Variants in MNAT1 observed in about 807,000 individuals in gnomAD.
MNAT1 encodes MNAT1 component of CDK activating kinase.
A neutral mutation model predicts 42.0 loss-of-function variants in MNAT1; 43 were observed. That is an observed-to-expected ratio of 1.02 (90% CI 0.80 to 1.32). The LOEUF (loss-of-function observed/expected upper bound fraction) is 1.32, where lower values mean the gene tolerates loss of function less well. Among genes scored for constraint, MNAT1 ranks in the 40% most tolerant of loss-of-function variants. The probability of loss-of-function intolerance (pLI) is 0.00; values close to 1 mark genes in which losing one functional copy is unlikely to be tolerated. For synonymous variants in MNAT1, 118 were observed against 120.0 expected (o/e 0.98, Z 0.11); for missense variants, 306 against 350.4 (o/e 0.87, Z 1.01).
At chr14:60,756,632 G>A (rs975724003) in intron 1 of MNAT1, among the ~76,000 whole-genome samples, 15 of 152,140 alleles carry the variant, frequency 9.9e-5, no homozygotes, top group African/African-American at 3.6e-4. Flanking sequence ...TGAAAATAAA[G>A]CAAGTATAAA....
At chr14:60,879,610 T>C in intron 6 of MNAT1, 104 bp from the exon 7 acceptor site, 1 of 1,142,426 alleles carries the variant, frequency 8.8e-7, no homozygotes, top group Non-Finnish European at 1.2e-6. Context: ...TAATGGCTAA[T>C]ACTTCTAATG....
intron 7 of MNAT1, among the ~76,000 whole-genome samples, chr14:60,929,168 A>ATGT (rs57837834): frequency 1.2e-5 from 1 of 86,150 alleles, no homozygotes; most frequent in Non-Finnish European, 2.1e-5. Flanking sequence ...AAAAAAAAAA[A>ATGT]AAATATATAT....
rs1483720273 is a variant in MNAT1 at position 60,736,124 on chromosome 14, TTGAA to T, written c.89+1177_89+1180del. Among the ~76,000 whole-genome samples the T allele has an allele frequency of 3.9e-5, 6 of 152,220 alleles. No individual in the cohort carries two copies. The East Asian group carries it at 1.2e-3, about 29-fold the overall frequency. ...GCAAAGAAGTATAGTAGAGCTGTGA[TTGAA>T]TGATTTAAGATTAGAAGTAAGGTAA... On this transcript the variant is annotated intron_variant, in intron 1 of 7. Transcript: ENST00000261245.
intron 6 of MNAT1, among the ~76,000 whole-genome samples, chr14:60,834,259 A>T (rs1159289557): frequency 2.0e-5 from 3 of 151,700 alleles, no homozygotes; most frequent in African/African-American, 7.3e-5. Context: ...TTTAATTGTG[A>T]TGTTAGTGTG....
intron 6 of MNAT1, among the ~76,000 whole-genome samples, chr14:60,839,965 G>A (rs2033500601): frequency 2.0e-5 from 3 of 152,246 alleles, no homozygotes; most frequent in African/African-American, 4.8e-5. Context: ...CAGGCCGAGG[G>A]GGTGGAATGA....
intron 6 of MNAT1, among the ~76,000 whole-genome samples, chr14:60,820,545 T>G (rs2032854052): frequency 6.6e-6 from 1 of 151,854 alleles, no homozygotes; most frequent in Admixed American, 6.6e-5. Flanking sequence ...ACTTTTTTTT[T>G]TTTTTTCAGT....
At chr14:60,830,789 T>C (rs939754246) in intron 6 of MNAT1, among the ~76,000 whole-genome samples, 3 of 151,868 alleles carry the variant, frequency 2.0e-5, no homozygotes, top group Non-Finnish European at 2.9e-5. Context: ...TCCTCACCAC[T>C]TCTTCTGCCT....
At chr14:60,890,148 A>T (rs2139484394) in intron 7 of MNAT1, among the ~76,000 whole-genome samples, 1 of 152,304 alleles carries the variant, frequency 6.6e-6, no homozygotes, top group Non-Finnish European at 1.5e-5. Context: ...AGACACATGC[A>T]CACATATGTT....
rs577576330 is a variant in MNAT1 at position 60,815,766 on chromosome 14, C to T, written c.562-2956C>T. Among the ~76,000 whole-genome samples, 8 of 152,230 alleles carry T rather than the reference C, an allele frequency of 5.3e-5. No individual in the cohort carries two copies. The South Asian group carries it at 1.5e-3, about 28-fold the overall frequency. On this transcript the variant is annotated intron_variant, in intron 5 of 7. Transcript: ENST00000261245. ...CATATAACATGATGATTAAATAATT[C>T]TTAGTAATTTACTGTATTCATTAGT...
chr14:60,783,258 T>C (rs1022218046), intron 1 of MNAT1, among the ~76,000 whole-genome samples: 5 of 152,192 alleles, frequency 3.3e-5, no homozygotes, highest in African/African-American at 1.2e-4. Flanking sequence ...TTCTATTCAG[T>C]TGGTAGAGAG....
rs557102015 is a variant in MNAT1 at position 60,788,075 on chromosome 14, C to A, written c.90-8142C>A. Among the ~76,000 whole-genome samples, 130 of 152,280 alleles carry A rather than the reference C, an allele frequency of 8.5e-4. 1 individual carries two copies. Among genetic ancestry groups the A allele is most frequent in the African/African-American group, 3.1e-3 (128 of 41,576 alleles). On this transcript the variant is annotated intron_variant, in intron 1 of 7. Transcript: ENST00000261245. ...CTATCAGAGGAATCATTGTCTGTAGCAGCTACAGCATTATGACATGTATTA... is the reference window on the plus strand; with the variant it reads ...CTATCAGAGGAATCATTGTCTGTAGAAGCTACAGCATTATGACATGTATTA...
At chr14:60,904,247 C>CA (rs1179561793) in intron 7 of MNAT1, among the ~76,000 whole-genome samples, 1 of 151,944 alleles carries the variant, frequency 6.6e-6, no homozygotes, top group African/African-American at 2.4e-5. Context: ...ACAAAAATCA[C>CA]AAAAAAACTG....
In MNAT1 at chr14:60,869,038, A is replaced by ATT. The variant is rs1328532787; in HGVS notation, c.688-10675_688-10674insTT. Among the ~76,000 whole-genome samples the ATT allele has an allele frequency of 4.8e-3, 438 of 91,924 alleles. 2 individuals are homozygous for ATT. The highest frequency in any genetic ancestry group is 9.8e-3 in the African/African-American group (287 of 29,150). The allele number at this position is 91,924 out of a possible 152,430, so 60.3% of individuals were successfully genotyped here. A position where few individuals can be genotyped will look rare whatever the true frequency, so the allele number is the denominator to read the frequency against. The stretch of plus-strand genomic sequence containing the variant: ...TTATTTTATACATATATATATATAT[A>ATT]TATTTTTTTTTTTTTTTTTGAGACG... On this transcript the variant is annotated intron_variant, in intron 6 of 7. Coordinates refer to ENST00000261245, the MANE Select transcript of MNAT1 (RefSeq NM_002431.4).
Position 60,950,968 on chromosome 14 carries a change from G to A in MNAT1, c.810-17261G>A, listed in dbSNP as rs2139604228. On this transcript the variant is annotated intron_variant, in intron 7 of 7. Transcript: ENST00000261245. The stretch of plus-strand genomic sequence containing the variant: ...TCAAGAAACTTATCTAGTGGGGAAT[G>A]TATAACATTTTTAAGTAGCCATGGT... 2.6e-5 allele frequency among the ~76,000 whole-genome samples: 4 copies of A among 152,286 alleles called. No homozygotes were observed. In the South Asian group the frequency reaches 8.3e-4, roughly 32 times the overall value.
chr14:60,956,081 G>C (rs2036482928), intron 7 of MNAT1, among the ~76,000 whole-genome samples: 1 of 151,700 alleles, frequency 6.6e-6, no homozygotes, highest in African/African-American at 2.4e-5. Context: ...GTTCTTTAAA[G>C]TGTAATATCA....
intron 6 of MNAT1, among the ~76,000 whole-genome samples, chr14:60,831,440 T>C (rs1439161627): frequency 6.6e-6 from 1 of 152,188 alleles, no homozygotes. Flanking sequence ...TAGTTTTCTG[T>C]TCCTGTGTTA....
In MNAT1 at chr14:60,881,252, T is replaced by C. The variant is rs531949970; in HGVS notation, c.809+1417T>C. Among the ~76,000 whole-genome samples, 3 of 152,296 alleles carry C rather than the reference T, an allele frequency of 2.0e-5. No homozygotes were observed. In the East Asian group the frequency reaches 5.8e-4, roughly 29 times the overall value. On this transcript the variant is annotated intron_variant, in intron 7 of 7. Coordinates refer to ENST00000261245, the MANE Select transcript of MNAT1 (RefSeq NM_002431.4). ...CAGGCTGGAGTGCAGTGGTGCAATC[T>C]TGGCTCACTGCAACCTCTGCCTCCT...
rs183869767 is a variant in MNAT1, at chr14:60,955,615, C to T, written c.810-12614C>T. The stretch of plus-strand genomic sequence containing the variant: ...GGCGGAGGTTGCAGTGAGCCAAGAT[C>T]GCACCATTGCACTCAAACCTGGGCA... On this transcript the variant is annotated intron_variant, in intron 7 of 7. Transcript: ENST00000261245. Among the ~76,000 whole-genome samples the T allele has an allele frequency of 5.3e-5, 8 of 152,244 alleles. No homozygotes were observed. The East Asian group carries it at 9.7e-4, about 18-fold the overall frequency.
chr14:60,837,901 G>A (rs777384434), intron 6 of MNAT1, among the ~76,000 whole-genome samples: 29 of 152,126 alleles, frequency 1.9e-4, no homozygotes, highest in African/African-American at 7.0e-4. Flanking sequence ...ATTATAAGAC[G>A]GTTCTTAAGA....
Sources: allele counts gnomAD v4.1 joint callset (sites outside exome capture counted in the v4.1 genomes callset), GRCh38; gene constraint gnomAD v4.1.1; transcripts MANE v1.5; gene names NCBI Gene and HGNC (gene_info 2026-07-23, HGNC 2026-07-21).